The following G3BP2 variants were observed in gnomAD, a reference collection of about 807,000 sequenced individuals.
G3BP2 encodes the protein ras GTPase-activating protein-binding protein 2.
Under a neutral mutation model 56.7 loss-of-function variants are expected in G3BP2, and 11 were observed. That is an observed-to-expected ratio of 0.19 (90% CI 0.12 to 0.32). The LOEUF (loss-of-function observed/expected upper bound fraction) is 0.32, where lower values mean the gene tolerates loss of function less well. Among genes scored for constraint, G3BP2 ranks in the 10% least tolerant of loss-of-function variants. The pLI is 1.00. For synonymous variants in G3BP2, 165 were observed against 191.6 expected, an observed-to-expected ratio of 0.86 and a Z score of 1.15; for missense variants, 340 against 610.9, an observed-to-expected ratio of 0.56 and a Z score of 4.67.
chr4:75,673,423 TTGCCACCGCCCCCTC>T (rs1733680390), upstream of G3BP2: 6 of 1,231,210 alleles, frequency 4.9e-6, no homozygotes, highest in Admixed American at 4.2e-5. Context: ...CCCGCCCCCT[TTGCCACCGCCCCCTC>T]TTATTGTTTT....
At chr4:75,685,145 T>C (rs1718530604) in intron 3 of G3BP2, among the ~76,000 whole-genome samples, 2 of 151,602 alleles carry the variant, frequency 1.3e-5, no homozygotes, top group Admixed American at 6.6e-5. Flanking sequence ...TATTAATCTA[T>C]ACATATTTTA....
chr4:75,648,514 C>T, intron 9 of G3BP2, 125 bp downstream of exon 9: 4 of 495,256 alleles, frequency 8.1e-6, no homozygotes, highest in Non-Finnish European at 1.5e-5. Flanking sequence ...GCTCACATCA[C>T]ATCTTTAAGC....
At chr4:75,646,523 T>C (rs1731217226) in intron 10 of G3BP2, 67 bp from the exon 11 acceptor site, 1 of 925,350 alleles carries the variant, frequency 1.1e-6, no homozygotes, top group East Asian at 2.4e-5. Context: ...GCTCTAATTG[T>C]TCAGGATGAA....
chr4:75,723,862 A>T (rs1228433812), intron 1 of G3BP2, among the ~76,000 whole-genome samples: 1 of 151,834 alleles, frequency 6.6e-6, no homozygotes, highest in Non-Finnish European at 1.5e-5. Flanking sequence ...CCAAAGGAAC[A>T]GGCATACCAA....
intron 3 of G3BP2, chr4:75,695,040 C>T (rs1218665310): frequency 1.2e-5 from 6 of 519,532 alleles, no homozygotes; most frequent in Non-Finnish European, 1.5e-5. Context: ...CCAGAAGACT[C>T]AACCACTGTA....
rs574744158 is a variant in G3BP2 at position 75,661,674 on chromosome 4, A to G, written c.95+257T>C. On this transcript the variant is annotated intron_variant, in intron 2 of 11. Coordinates refer to ENST00000359707, the MANE Select transcript of G3BP2 (RefSeq NM_203505.3). ...CATGACTCTAAAAATAAAATACTAGAGTACATATAAGAATAAGCGTGTGCA... is the reference window on the plus strand; with the variant it reads ...CATGACTCTAAAAATAAAATACTAGGGTACATATAAGAATAAGCGTGTGCA... The G allele has an allele frequency of 4.7e-5, 13 of 278,508 alleles. No individual in the cohort carries two copies. The East Asian group carries it at 9.6e-4, about 21-fold the overall frequency. The allele number at this position is 278,508 out of a possible 1,614,324, so 17.3% of individuals were successfully genotyped here.
chr4:75,678,212 A>G (rs1733946694), upstream of G3BP2, among the ~76,000 whole-genome samples: 3 of 151,866 alleles, frequency 2.0e-5, no homozygotes, highest in Non-Finnish European at 2.9e-5. Flanking sequence ...CTGGAGTGCA[A>G]TGGTGCGATC....
chr4:75,719,400 C>T (rs186713180), intron 3 of G3BP2, among the ~76,000 whole-genome samples: 2 of 151,582 alleles, frequency 1.3e-5, no homozygotes, highest in Admixed American at 6.6e-5. Context: ...ATCAGGGTCT[C>T]CACTCTAATC....
intron 3 of G3BP2, among the ~76,000 whole-genome samples, chr4:75,708,668 T>G (rs1343518513): frequency 6.6e-6 from 1 of 152,186 alleles, no homozygotes; most frequent in Admixed American, 6.5e-5. Flanking sequence ...TGGGATCTTC[T>G]CCATTAAGTT....
At chr4:75,665,461 C>T (rs1311555904) in intron 1 of G3BP2, among the ~76,000 whole-genome samples, 1 of 152,030 alleles carries the variant, frequency 6.6e-6, no homozygotes, top group Non-Finnish European at 1.5e-5. Context: ...TTTAAAGTAA[C>T]AAAGCACTGG....
intron 5 of G3BP2, 123 bp from the exon 6 acceptor site, chr4:75,655,993 C>CTTTT: frequency 8.1e-6 from 4 of 496,204 alleles, no homozygotes; most frequent in Admixed American, 3.4e-5. Flanking sequence ...ATTTTCTTTC[C>CTTTT]TTTTTTTTTT....
intron 3 of G3BP2, among the ~76,000 whole-genome samples, chr4:75,702,171 ATTTTT>A (rs57529973): frequency 1.9e-5 from 2 of 107,482 alleles, no homozygotes; most frequent in Non-Finnish European, 3.6e-5. Flanking sequence ...AAACCCCCCA[ATTTTT>A]TTTTTTTTTT....
intron 3 of G3BP2, among the ~76,000 whole-genome samples, chr4:75,699,901 C>T (rs1028182594): frequency 6.6e-6 from 1 of 151,688 alleles, no homozygotes; most frequent in East Asian, 1.9e-4. Flanking sequence ...ATTACATCAC[C>T]AAATACAAAT....
chr4:75,716,203 T>A (rs1719920319), intron 3 of G3BP2, among the ~76,000 whole-genome samples: 1 of 152,168 alleles, frequency 6.6e-6, no homozygotes, highest in African/African-American at 2.4e-5. Flanking sequence ...ACAGTATTGC[T>A]CTGTCACTCA....
intron 1 of G3BP2, among the ~76,000 whole-genome samples, chr4:75,667,358 C>A (rs577176788): frequency 6.6e-6 from 1 of 151,300 alleles, no homozygotes; most frequent in Non-Finnish European, 1.5e-5. Flanking sequence ...TTAGAAAGTT[C>A]TTAGATTAGC....
intron 1 of G3BP2, chr4:75,662,498 A>T: frequency 6.5e-6 from 1 of 153,106 alleles, no homozygotes; most frequent in Non-Finnish European, 1.5e-5. Flanking sequence ...CTGGGATTAC[A>T]GGCGTGAGCC....
At chr4:75,655,904 A>G in intron 5 of G3BP2, 34 bp from the exon 6 acceptor site, 1 of 1,078,072 alleles carries the variant, frequency 9.3e-7, no homozygotes, top group South Asian at 1.3e-5. Flanking sequence ...TCTTTTTTAA[A>G]GAGGCTTCAC....
chr4:75,656,288 G>A (rs1156463267), intron 5 of G3BP2, among the ~76,000 whole-genome samples: 2 of 116,260 alleles, frequency 1.7e-5, no homozygotes, highest in South Asian at 4.5e-4. Context: ...CACCGCGCTC[G>A]GCTCCAATTT....
At chr4:75,687,794 A>C (rs1718674272) in intron 3 of G3BP2, among the ~76,000 whole-genome samples, 1 of 152,148 alleles carries the variant, frequency 6.6e-6, no homozygotes, top group South Asian at 2.1e-4. Context: ...GGAGTGGCCA[A>C]CTTGGAGATA....
Sources: allele counts gnomAD v4.1 joint callset (sites outside exome capture counted in the v4.1 genomes callset), GRCh38; gene constraint gnomAD v4.1.1; transcripts MANE v1.5; gene names NCBI Gene and HGNC (gene_info 2026-07-23, HGNC 2026-07-21).